Variants in MAGI1 observed in about 807,000 individuals in gnomAD.
MAGI1 encodes the protein membrane associated guanylate kinase, WW and PDZ domain containing 1, also known as membrane-associated guanylate kinase, WW and PDZ domain-containing protein 1.
A neutral mutation model predicts 139.9 loss-of-function variants in MAGI1; 58 were observed. That is an observed-to-expected ratio of 0.41 (90% confidence interval 0.34 to 0.52). The LOEUF (loss-of-function observed/expected upper bound fraction) is 0.52, where lower values mean the gene tolerates loss of function less well. Among genes scored for constraint, MAGI1 ranks in the 20% least tolerant of loss-of-function variants. MAGI1 has a pLI of 0.12. For missense variants in MAGI1, 1,874 were observed against 1,901.6 expected, an observed-to-expected ratio of 0.99 and a Z score of 0.27; for synonymous variants, 812 against 737.9, an observed-to-expected ratio of 1.10 and a Z score of -1.63.
At chr3:65,950,090 C>CAAAAAAAAAAAAAAAAAACAAAAAAAA (rs1269489815) in intron 1 of MAGI1, among the ~76,000 whole-genome samples, 1 of 17,070 alleles carries the variant, frequency 5.9e-5, no homozygotes, top group Non-Finnish European at 1.3e-4. Context: ...AAAAAAAAAA[C>CAAAAAAAAAAAAAAAAAACAAAAAAAA]AAACAAAAAA....
At chr3:65,724,144 A>C (rs2033358767) in intron 1 of MAGI1, among the ~76,000 whole-genome samples, 1 of 152,250 alleles carries the variant, frequency 6.6e-6, no homozygotes, top group African/African-American at 2.4e-5. Context: ...CACCTCAACA[A>C]GGCTTTATAA....
intron 2 of MAGI1, among the ~76,000 whole-genome samples, chr3:65,609,344 G>A (rs534306322): frequency 6.6e-6 from 1 of 150,756 alleles, no homozygotes; most frequent in African/African-American, 2.4e-5. Context: ...GTGGCCTGAT[G>A]TTGACTCACT....
At chr3:65,686,611 T>G (rs2088057530) in intron 1 of MAGI1, among the ~76,000 whole-genome samples, 1 of 152,132 alleles carries the variant, frequency 6.6e-6, no homozygotes, top group Admixed American at 6.5e-5. Flanking sequence ...GTTTTCTAAA[T>G]GCAGAGAGGA....
At chr3:65,825,360 T>G (rs1407654325) in intron 1 of MAGI1, among the ~76,000 whole-genome samples, 3 of 152,196 alleles carry the variant, frequency 2.0e-5, no homozygotes, top group African/African-American at 4.8e-5. Flanking sequence ...AAGCAGTGGT[T>G]GTGCTGAAGC....
chr3:65,602,116 A>C (rs540661578), intron 2 of MAGI1, among the ~76,000 whole-genome samples: 38 of 152,290 alleles, frequency 2.5e-4, no homozygotes, highest in African/African-American at 8.9e-4. Context: ...CTGTATGCTA[A>C]TATAAAATGG....
intron 1 of MAGI1, among the ~76,000 whole-genome samples, chr3:65,756,664 C>T (rs996008013): frequency 6.6e-6 from 1 of 152,126 alleles, no homozygotes; most frequent in East Asian, 1.9e-4. Context: ...CATTATGGTG[C>T]CACAGTCTCT....
At chr3:65,883,787 C>A (rs540549917) in intron 1 of MAGI1, among the ~76,000 whole-genome samples, 2 of 152,250 alleles carry the variant, frequency 1.3e-5, no homozygotes, top group African/African-American at 4.8e-5. Context: ...ATGGCTGCAG[C>A]AGTAACAACT....
intron 1 of MAGI1, among the ~76,000 whole-genome samples, chr3:65,979,097 C>T (rs1207269156): frequency 1.6e-5 from 1 of 62,590 alleles, no homozygotes; most frequent in Non-Finnish European, 3.7e-5. Context: ...TTCCCCCCCC[C>T]CGCCACCCCC....
At chr3:65,363,637 C>G in intron 20 of MAGI1, 29 bp from the exon 21 acceptor site, 1 of 1,600,486 alleles carries the variant, frequency 6.2e-7, no homozygotes. Flanking sequence ...TGCAATCATT[C>G]TAGGAGAACT....
intron 1 of MAGI1, among the ~76,000 whole-genome samples, chr3:65,994,995 G>A (rs1052328305): frequency 5.9e-5 from 9 of 152,122 alleles, no homozygotes; most frequent in African/African-American, 1.9e-4. Flanking sequence ...AAGAAACAAA[G>A]GGTTAAGTGG....
At chr3:65,811,622 T>A (rs1165874384) in intron 1 of MAGI1, among the ~76,000 whole-genome samples, 3 of 152,152 alleles carry the variant, frequency 2.0e-5, no homozygotes. Flanking sequence ...TTATTCATGT[T>A]TTCTTTCACA....
intron 16 of MAGI1, 42 bp from the exon 17 acceptor site, chr3:65,379,596 G>A: frequency 6.4e-7 from 1 of 1,571,638 alleles, no homozygotes; most frequent in Non-Finnish European, 8.7e-7. Flanking sequence ...GTGTCCTGCA[G>A]CCCCTCCATC....
At chr3:65,852,783 G>A (rs1397266452) in intron 1 of MAGI1, among the ~76,000 whole-genome samples, 3 of 151,708 alleles carry the variant, frequency 2.0e-5, no homozygotes, top group Non-Finnish European at 4.4e-5. Context: ...GATTACAGGC[G>A]TGAGCCACTG....
chr3:65,662,635 T>C (rs2086263448), intron 1 of MAGI1, among the ~76,000 whole-genome samples: 1 of 152,226 alleles, frequency 6.6e-6, no homozygotes, highest in Non-Finnish European at 1.5e-5. Context: ...TGTTTTGATA[T>C]GCATATAAGT....
At chr3:65,489,834 T>C (rs571344879) in intron 3 of MAGI1, among the ~76,000 whole-genome samples, 1 of 152,348 alleles carries the variant, frequency 6.6e-6, no homozygotes, top group South Asian at 2.1e-4. Context: ...GGGAAACAAG[T>C]AGGACTTAGC....
intron 1 of MAGI1, among the ~76,000 whole-genome samples, chr3:65,652,720 T>C (rs756719524): frequency 6.6e-6 from 1 of 152,172 alleles, no homozygotes; most frequent in Non-Finnish European, 1.5e-5. Context: ...ATTTTAGGAA[T>C]CACCTGAGTT....
rs73835440 is a variant in MAGI1, at chr3:65,966,350, C to A, written c.313+71646G>T. Reference sequence around the variant, plus strand: ...GGTGTTCTCTCTTCTGCAAGACTGACTTTTCAATAGCTAAAAGTTACACCA... The same window carrying A: ...GGTGTTCTCTCTTCTGCAAGACTGAATTTTCAATAGCTAAAAGTTACACCA... On this transcript the variant is annotated intron_variant, in intron 1 of 22. Transcript: ENST00000402939. Among the ~76,000 whole-genome samples, 1,343 of 152,292 alleles carry A rather than the reference C, an allele frequency of 8.8e-3. 38 individuals are homozygous for A. In the East Asian group the frequency reaches 0.1, roughly 12 times the overall value.
intron 12 of MAGI1, among the ~76,000 whole-genome samples, chr3:65,417,666 T>C (rs9878560): frequency 0.21 from 31,555 of 152,050 alleles, 3,698 homozygotes; most frequent in African/African-American, 0.32. Context: ...CCTTTCTTGA[T>C]GTTTTTGTGT....
chr3:65,550,499 G>C (rs2079770843), intron 2 of MAGI1, among the ~76,000 whole-genome samples: 1 of 152,144 alleles, frequency 6.6e-6, no homozygotes, highest in Non-Finnish European at 1.5e-5. Flanking sequence ...GAAAATCCCA[G>C]AGAGCCCTGT....
Sources: allele counts gnomAD v4.1 joint callset (sites outside exome capture counted in the v4.1 genomes callset), GRCh38; gene constraint gnomAD v4.1.1; transcripts MANE v1.5; gene names NCBI Gene and HGNC (gene_info 2026-07-23, HGNC 2026-07-21).